Variants in MARVELD3 observed in about 807,000 individuals in gnomAD.
MARVELD3 encodes the protein MARVEL domain-containing protein 3.
MARVELD3 carries 28 observed loss-of-function variants against 33.5 expected under a neutral mutation model. That is an observed-to-expected ratio of 0.84 (90% CI 0.62 to 1.15). The LOEUF (loss-of-function observed/expected upper bound fraction) is 1.15. Ranked by LOEUF, MARVELD3 falls within the 50% of genes most tolerant of loss-of-function variation. The probability of loss-of-function intolerance (pLI) is 0.00; values close to 1 mark genes in which losing one functional copy is unlikely to be tolerated. For missense variants in MARVELD3, 582 were observed against 547.6 expected, an observed-to-expected ratio of 1.06 and a Z score of -0.63; for synonymous variants, 241 against 230.4, an observed-to-expected ratio of 1.05 and a Z score of -0.42.
intron 2 of MARVELD3, 159 bp downstream of exon 2, chr16:71,629,653 A>AAG: frequency 1.5e-6 from 1 of 657,316 alleles, no homozygotes; most frequent in East Asian, 3.4e-5. Context: ...AAAAAAAAAA[A>AAG]AAAAAAAAAA....
chr16:71,635,433 G>T lies in MARVELD3; in HGVS notation c.*630G>T, dbSNP rs183365853. The T allele has an allele frequency of 1.0e-6, 1 of 984,148 alleles. No individual in the cohort carries two copies. Among genetic ancestry groups the T allele is most frequent in the Non-Finnish European group, 1.2e-6 (1 of 829,748 alleles). The allele number at this position is 984,148 out of a possible 1,614,324, so 61.0% of individuals were successfully genotyped here. On this transcript the variant is annotated 3_prime_UTR_variant, in exon 3 of 3. Coordinates refer to ENST00000268485, the MANE Select transcript of MARVELD3 (RefSeq NM_052858.6). ...ATTCAGTAAAGGGAGGTCACCAAGA[G>T]AATTTGATGAACCTTACCTTCAAAG...
At chr16:71,640,303 C>A, downstream of MARVELD3, 1 of 1,439,528 alleles carries the variant, frequency 6.9e-7, no homozygotes, top group Non-Finnish European at 9.4e-7. Flanking sequence ...TCAACCACGT[C>A]CTTAAAATCA....
At chr16:71,627,966 C>G (rs2044491076) in intron 1 of MARVELD3, among the ~76,000 whole-genome samples, 1 of 152,210 alleles carries the variant, frequency 6.6e-6, no homozygotes, top group South Asian at 2.1e-4. Flanking sequence ...TTTTTGACAC[C>G]TGGCCTCTCC....
rs2044563242 is a variant in MARVELD3, at chr16:71,634,471, G to A, written c.874G>A (p.Val292Ile). The A allele has an allele frequency of 1.2e-6, 2 of 1,614,094 alleles. No homozygotes were observed. Among genetic ancestry groups the A allele is most frequent in the African/African-American group, 2.7e-5 (2 of 74,918 alleles). The change falls in exon 3 of 3, where the codon GTC becomes ATC. Residue 292 changes from valine to isoleucine, a missense_variant. Coordinates refer to ENST00000268485, the MANE Select transcript of MARVELD3 (RefSeq NM_052858.6). ...ALCCLFVAMG[V>I]LRVPWHCPLL... Reference sequence around the variant, plus strand: ...CTGCTGCCTCTTCGTTGCCATGGGTGTCCTGCGGGTCCCGTGGCATTGTCC... The same window carrying A: ...CTGCTGCCTCTTCGTTGCCATGGGTATCCTGCGGGTCCCGTGGCATTGTCC...
Position 71,634,831 on chromosome 16 carries a change from A to C in MARVELD3, c.*28A>C. The C allele has an allele frequency of 1.3e-6, 2 of 1,550,614 alleles. No homozygotes were observed. On this transcript the variant is annotated 3_prime_UTR_variant, in exon 3 of 3. Transcript: ENST00000268485. ...GTTTCTAAAACGCTCTGACAGATGC[A>C]AGTGGTGGTGGAAGGTAGTCTGAGC...
Position 71,626,795 on chromosome 16 carries a change from C to A in MARVELD3, c.467+99C>A, listed in dbSNP as rs187777835. ...CGTCCCCGGGTTCTCGTCCTAGGAG[C>A]CCGTTTAAATGAACAAATGCCGTTT... is the stretch of plus-strand genomic sequence containing the variant. On this transcript the variant is annotated intron_variant, in intron 1 of 2. Coordinates refer to ENST00000268485, the MANE Select transcript of MARVELD3 (RefSeq NM_052858.6). The surrounding 1 kb of genome is among the most constrained non-coding windows in gnomAD (Gnocchi z 5.3). 3.9e-3 allele frequency: 4,133 copies of A among 1,053,834 alleles called. 12 individuals carry two copies. Among genetic ancestry groups the A allele is most frequent in the Admixed American group, 7.3e-3 (188 of 25,836 alleles). The allele number at this position is 1,053,834 out of a possible 1,614,324, so 65.3% of individuals were successfully genotyped here. A position where few individuals can be genotyped will look rare whatever the true frequency, so the allele number is the denominator to read the frequency against.
chr16:71,635,600 G>T lies in MARVELD3; in HGVS notation c.*797G>T, dbSNP rs926139830. On this transcript the variant is annotated 3_prime_UTR_variant, in exon 3 of 3. Transcript: ENST00000268485. Reference sequence around the variant, plus strand: ...CTAGCCTGAGCAACAGACCAAGACCGTATTGCCAAAATACCAAAAAAAAAA... The same window carrying T: ...CTAGCCTGAGCAACAGACCAAGACCTTATTGCCAAAATACCAAAAAAAAAA... 4 of 983,010 alleles carry T rather than the reference G, an allele frequency of 4.1e-6. No individual in the cohort carries two copies. The highest frequency in any genetic ancestry group is 4.8e-6 in the Non-Finnish European group (4 of 828,692). 60.9% of individuals were successfully genotyped at this position (983,010 alleles called of 1,614,324 possible).
At chr16:71,636,659 C>T (rs530269750), downstream of MARVELD3, among the ~76,000 whole-genome samples, 1 of 152,234 alleles carries the variant, frequency 6.6e-6, no homozygotes, top group East Asian at 1.9e-4. Flanking sequence ...GGTGGGATCT[C>T]AGCTTACTGC....
At chr16:71,627,188 C>T (rs765273877) in intron 1 of MARVELD3, among the ~76,000 whole-genome samples, 26 of 152,188 alleles carry the variant, frequency 1.7e-4, no homozygotes, top group Non-Finnish European at 2.9e-4. Context: ...AATGTGTTAC[C>T]CCTCCCAGGA....
At position 71,634,536 on chromosome 16, in the gene MARVELD3, C is replaced by T. The variant is rs759081860; in HGVS notation, c.939C>T (p.Ile313=). The change falls in exon 3 of 3, where the codon ATC becomes ATT. Residue 313 remains isoleucine (I), a synonymous_variant. Transcript: ENST00000268485. ...LVTEGLLDML[I]AGGYIPALYF... ...CCGAAGGCTTGTTGGACATGCTCAT[C>T]GCGGGGGGGTACATCCCGGCCTTGT... 3.7e-6 allele frequency: 6 copies of T among 1,614,166 alleles called. No individual in the cohort carries two copies. In the East Asian group the frequency reaches 8.9e-5, roughly 24 times the overall value.
chr16:71,630,001 GA>G (rs1366418417), intron 2 of MARVELD3, among the ~76,000 whole-genome samples: 1 of 151,822 alleles, frequency 6.6e-6, no homozygotes, highest in Non-Finnish European at 1.5e-5. Flanking sequence ...CAGCACTTTG[GA>G]AGGCCCAGGA....
chr16:71,629,833 T>C (rs535666710), intron 2 of MARVELD3, among the ~76,000 whole-genome samples: 5 of 152,258 alleles, frequency 3.3e-5, no homozygotes, highest in Admixed American at 3.3e-4. Flanking sequence ...AGGGATCTTC[T>C]GGCGAGGCAG....
chr16:71,635,036 G>A lies in MARVELD3; in HGVS notation c.*233G>A. The A allele has an allele frequency of 1.6e-6, 2 of 1,219,664 alleles. No individual in the cohort carries two copies. Among genetic ancestry groups the A allele is most frequent in the Non-Finnish European group, 2.1e-6 (2 of 974,600 alleles). 75.6% of individuals were successfully genotyped at this position (1,219,664 alleles called of 1,614,324 possible). On this transcript the variant is annotated 3_prime_UTR_variant, in exon 3 of 3. Transcript: ENST00000268485. ...ACCAATCAAAATTATTTTTCAAAAA[G>A]CAAAAAAATGGCCGGCCTCGGCGGC...
chr16:71,640,802 AAG>A (rs762218577), downstream of MARVELD3: 2 of 1,614,196 alleles, frequency 1.2e-6, no homozygotes, highest in East Asian at 2.2e-5. Context: ...CTTGCAAAAC[AAG>A]AGAGAGGCTC....
At position 71,635,888 on chromosome 16, in the gene MARVELD3, T is replaced by C; in HGVS notation, c.*1085T>C. On this transcript the variant is annotated 3_prime_UTR_variant, in exon 3 of 3. Transcript: ENST00000268485. ...GCAAAGAGGCTATTCTGCAAGCCCC[T>C]TACAGTGGCCCTGAAAGCTCAATAA... 1.0e-6 allele frequency: 1 copy of C among 985,418 alleles called. No homozygotes were observed. Among genetic ancestry groups the C allele is most frequent in the Non-Finnish European group, 1.2e-6 (1 of 829,938 alleles). 61.0% of individuals were successfully genotyped at this position (985,418 alleles called of 1,614,324 possible).
At chr16:71,641,241 T>C, downstream of MARVELD3, 2 of 561,874 alleles carry the variant, frequency 3.6e-6, no homozygotes, top group Non-Finnish European at 3.1e-6. Context: ...TCGCTTGAGG[T>C]CAGCAGATTG....
downstream of MARVELD3, chr16:71,640,618 T>A (rs2044610836): frequency 6.2e-7 from 1 of 1,614,094 alleles, no homozygotes; most frequent in Admixed American, 1.7e-5. Flanking sequence ...GCTGTTTCTC[T>A]GGGTCTGGGG....
Position 71,626,720 on chromosome 16 carries a change from A to G in MARVELD3, c.467+24A>G. 7.0e-7 allele frequency: 1 copy of G among 1,425,074 alleles called. No homozygotes were observed. Among genetic ancestry groups the G allele is most frequent in the Non-Finnish European group, 9.1e-7 (1 of 1,096,502 alleles). The allele number at this position is 1,425,074 out of a possible 1,614,324, so 88.3% of individuals were successfully genotyped here. On this transcript the variant is annotated intron_variant, in intron 1 of 2. Transcript: ENST00000268485. The surrounding 1 kb of genome is among the most constrained non-coding windows in gnomAD (Gnocchi z 5.3). ...AGGTGAGAGGGGCCGGGGCGCTGCG[A>G]CCTCCGCGCCGGGGACACCTGTGGC...
chr16:71,629,333 C>A (rs1169383860), intron 1 of MARVELD3, 34 bp from the exon 2 acceptor site: 2 of 1,512,212 alleles, frequency 1.3e-6, no homozygotes, highest in African/African-American at 1.5e-5. Context: ...GAATGAGACA[C>A]CCCCTAATGA....
Sources: allele counts gnomAD v4.1 joint callset (sites outside exome capture counted in the v4.1 genomes callset), GRCh38; gene constraint gnomAD v4.1.1; non-coding constraint Gnocchi (gnomAD v3.1); transcripts MANE v1.5; gene names NCBI Gene and HGNC (gene_info 2026-07-23, HGNC 2026-07-21).